Variants in ZNF208 observed in about 807,000 individuals in gnomAD.
ZNF208 encodes the protein zinc finger protein 95.
In ZNF208, 10 loss-of-function variants were observed where a neutral mutation model predicts 12.1. The ratio of observed to expected loss-of-function variants is 0.83; its 90% CI spans 0.51 to 1.40. The LOEUF (loss-of-function observed/expected upper bound fraction) is 1.40. Among genes scored for constraint, ZNF208 ranks in the 40% most tolerant of loss-of-function variants. ZNF208 has a pLI of 0.00. For synonymous variants in ZNF208, 497 were observed against 488.4 expected (o/e 1.02, Z -0.23); for missense variants, 1,652 against 1,485.0 (o/e 1.11, Z -1.85).
At chr19:21,963,877 A>T (rs1479332817), downstream of ZNF208, among the ~76,000 whole-genome samples, 2 of 151,980 alleles carry the variant, frequency 1.3e-5, no homozygotes, top group Non-Finnish European at 2.9e-5. Context: ...TAGGGAGCTG[A>T]CAAAGAGTAA....
chr19:22,009,831 T>C (rs1410354025), intron 1 of ZNF208, among the ~76,000 whole-genome samples: 1 of 151,846 alleles, frequency 6.6e-6, no homozygotes, highest in Non-Finnish European at 1.5e-5. Flanking sequence ...TAACACACTA[T>C]AAACTGCCAA....
At chr19:22,010,735 C>T in intron 1 of ZNF208, 57 bp downstream of exon 1, 1 of 1,614,130 alleles carries the variant, frequency 6.2e-7, no homozygotes. Context: ...AGCCACTTCC[C>T]ACCGGTTCCA....
intron 4 of ZNF208, among the ~76,000 whole-genome samples, chr19:21,942,692 G>A (rs1018594254): frequency 2.6e-5 from 4 of 151,568 alleles, no homozygotes; most frequent in South Asian, 4.2e-4. Flanking sequence ...ACTGTCATCC[G>A]GGCTGGAATG....
intron 1 of ZNF208, among the ~76,000 whole-genome samples, chr19:22,008,002 T>TC (rs1971076945): frequency 1.4e-5 from 1 of 71,582 alleles, no homozygotes; most frequent in Non-Finnish European, 2.5e-5. Context: ...AAGCACTGTC[T>TC]TAAAAAAAAA....
chr19:21,972,678 A>C lies in ZNF208; in HGVS notation c.2356T>G (p.Phe786Val). The C allele has an allele frequency of 6.2e-7, 1 of 1,612,042 alleles. No homozygotes were observed. The highest frequency in any genetic ancestry group is 1.1e-5 in the South Asian group (1 of 90,972). The change falls in exon 4 of 4, where the codon TTT (phenylalanine) becomes GTT (valine). Residue 786 changes from phenylalanine to valine, a missense_variant. This residue lies in a region of ZNF208 where 1,239 missense variants were observed against 1,086.2 expected (regional missense o/e 1.14). Coordinates refer to ENST00000397126, the MANE Select transcript of ZNF208 (RefSeq NM_007153.3). ...TTAATAAGGATTGCAGATCGGTTAA[A>C]AGCTTTGCCACATTCTTCACATTTG... ...PYKCEECGKA[F>V]NRSAILIKHK...
rs267605387 is a variant in ZNF208, at chr19:21,974,221, G to T, written c.813C>A (p.Ile271=). Residue 271 remains isoleucine (I), a synonymous_variant, in exon 4 of 4, where the codon ATC becomes ATA. Coordinates refer to ENST00000397126, the MANE Select transcript of ZNF208 (RefSeq NM_007153.3). ...TATGAATTATCTTATGTTTAGTAAG[G>T]ATTGCAGATTGGTTAAAAGCCTTGC... ...ECGKAFNQSA[I]LTKHKIIHTG... 2 of 1,602,024 alleles carry T rather than the reference G, an allele frequency of 1.2e-6. No homozygotes were observed. Among genetic ancestry groups the T allele is most frequent in the Non-Finnish European group, 1.7e-6 (2 of 1,170,796 alleles).
In ZNF208 at chr19:21,955,850, C is replaced by G. The variant is rs147041388; in HGVS notation, c.305+18879G>C. On this transcript the variant is annotated intron_variant, in intron 4 of 4. Coordinates refer to the ZNF208 transcript ENST00000599916. ...CTTCTCTCAACTCGTCAAAGTCATT[C>G]TCCATCCAGCTTTGTTTCTTTGCTG... Among the ~76,000 whole-genome samples, 1,173 of 152,336 alleles carry G rather than the reference C, an allele frequency of 7.7e-3. 8 individuals are homozygous for G. The highest frequency in any genetic ancestry group is 0.026 in the African/African-American group (1,099 of 41,580).
chr19:22,004,462 G>A (rs1379356126), intron 1 of ZNF208, among the ~76,000 whole-genome samples: 5 of 150,406 alleles, frequency 3.3e-5, no homozygotes, highest in Admixed American at 6.6e-5. Context: ...GCAATGCGCC[G>A]AGATCAAGCC....
At chr19:21,940,330 A>G (rs1969714841) in intron 4 of ZNF208, 1 of 152,202 alleles carries the variant, frequency 6.6e-6, no homozygotes, top group South Asian at 2.1e-4. Flanking sequence ...ATAGAATCAA[A>G]TCTAAGGTAA....
At chr19:22,009,620 G>T in intron 1 of ZNF208, 1 of 152,180 alleles carries the variant, frequency 6.6e-6, no homozygotes. Flanking sequence ...GGTGGTGCAT[G>T]CCTGGAATCC....
chr19:21,971,726 T>C lies in ZNF208; in HGVS notation c.3308A>G (p.His1103Arg), dbSNP rs1329810982. ...TTTCTCTCCAGTATGAATTCTCTTA[T>C]GTTCCATAAGGTTTGAGGACCAGTT... is the stretch of plus-strand genomic sequence containing the variant. ...AFNWSSNLME[H>R]KRIHTGEKPY... Residue 1103 changes from histidine to arginine, a missense_variant, in exon 4 of 4, where the codon CAT becomes CGT. By Grantham distance (29) the His-to-Arg change is conservative. Around this residue, in one of 3 missense-constraint regions of ZNF208, gnomAD observed 1,239 missense variants for 1,086.2 expected, o/e 1.14. Transcript: ENST00000397126. The C allele has an allele frequency of 1.2e-6, 2 of 1,613,922 alleles. No individual in the cohort carries two copies. Among genetic ancestry groups the C allele is most frequent in the African/African-American group, 2.7e-5 (2 of 74,920 alleles).
At chr19:21,989,907 T>C (rs1203318871) in intron 1 of ZNF208, among the ~76,000 whole-genome samples, 1 of 152,208 alleles carries the variant, frequency 6.6e-6, no homozygotes, top group Admixed American at 6.5e-5. Flanking sequence ...GTTCATATCC[T>C]TTGCCCACTT....
At chr19:21,957,508 C>G (rs1237326020) in intron 4 of ZNF208, among the ~76,000 whole-genome samples, 1 of 152,194 alleles carries the variant, frequency 6.6e-6, no homozygotes, top group Non-Finnish European at 1.5e-5. Context: ...AGTCCTCATA[C>G]AAAATTCCTG....
At chr19:21,957,662 T>C (rs1396408204) in intron 4 of ZNF208, among the ~76,000 whole-genome samples, 1 of 152,120 alleles carries the variant, frequency 6.6e-6, no homozygotes, top group Non-Finnish European at 1.5e-5. Flanking sequence ...TAAAGTCTTA[T>C]CTAAGATTTC....
chr19:21,990,258 G>C (rs1970708348), intron 1 of ZNF208, among the ~76,000 whole-genome samples: 1 of 152,072 alleles, frequency 6.6e-6, no homozygotes, highest in African/African-American at 2.4e-5. Context: ...ATTAATTTTT[G>C]TATAAGATGT....
intron 3 of ZNF208, among the ~76,000 whole-genome samples, chr19:21,982,128 C>T (rs368818009): frequency 1.9e-4 from 29 of 151,936 alleles, no homozygotes; most frequent in African/African-American, 5.8e-4. Context: ...GAGGCCGAGA[C>T]GGGTGGATCA....
rs139192841 is a variant in ZNF208, at chr19:21,958,903, C to T, written c.305+15826G>A. Among the ~76,000 whole-genome samples the T allele has an allele frequency of 6.8e-4, 104 of 152,112 alleles. No homozygotes were observed. The East Asian group carries it at 0.012, about 17-fold the overall frequency. On this transcript the variant is annotated intron_variant, in intron 4 of 4. Transcript: ENST00000599916. ...GGGTCCCCAGAGAGCCCCTAACCCA[C>T]GAGTCAGTGCCTCATAACCACTTAC...
At chr19:21,964,527 AC>A (rs1350872760), downstream of ZNF208, among the ~76,000 whole-genome samples, 1 of 151,732 alleles carries the variant, frequency 6.6e-6, no homozygotes, top group East Asian at 1.9e-4. Context: ...TAAACAAAAA[AC>A]AATATGCCTT....
Position 21,972,009 on chromosome 19 carries a change from C to T in ZNF208, c.3025G>A (p.Ala1009Thr), listed in dbSNP as rs1198702944. ...KPYKCEECGK[A>T]FNWSSNLMEH... The stretch of plus-strand genomic sequence containing the variant: ...ATAAGGTTTGATGACCAGTTGAAAG[C>T]TTTGCCACATTCTTCACATTTGTAG... Residue 1009 changes from alanine to threonine, a missense_variant, in exon 4 of 4, where the codon GCT (alanine) becomes ACT (threonine). This residue lies in a region of ZNF208 where 1,239 missense variants were observed against 1,086.2 expected (regional missense o/e 1.14). Transcript: ENST00000397126. The T allele has an allele frequency of 6.2e-7, 1 of 1,613,296 alleles. No individual in the cohort carries two copies. The highest frequency in any genetic ancestry group is 8.5e-7 in the Non-Finnish European group (1 of 1,179,844).
Sources: gnomAD v4.1 joint callset for allele counts (sites outside exome capture counted in the v4.1 genomes callset) on GRCh38, gnomAD v4.1.1 for gene constraint, gnomAD v4.1.1 regional missense constraint, MANE v1.5 for transcripts, NCBI Gene and HGNC (gene_info 2026-07-23, HGNC 2026-07-21) for gene names.